The following PDE1A variants were observed in gnomAD, a reference collection of about 807,000 sequenced individuals.
PDE1A encodes the protein dual specificity calcium/calmodulin-dependent 3',5'-cyclic nucleotide phosphodiesterase 1A.
In PDE1A, 35 loss-of-function variants were observed where a neutral mutation model predicts 61.7. The observed-to-expected ratio is 0.57, with a 90% CI of 0.43 to 0.75. The LOEUF is 0.75. Among genes scored for constraint, PDE1A ranks in the 30% least tolerant of loss-of-function variants. The pLI is 0.00. For synonymous variants in PDE1A, 232 were observed against 213.2 expected, an observed-to-expected ratio of 1.09 and a Z score of -0.77; for missense variants, 597 against 630.6, an observed-to-expected ratio of 0.95 and a Z score of 0.57.
chr2:182,251,059 A>C (rs2125730940), intron 2 of PDE1A, among the ~76,000 whole-genome samples: 1 of 152,296 alleles, frequency 6.6e-6, no homozygotes, highest in South Asian at 2.1e-4. Flanking sequence ...TTGGCTTCCC[A>C]CCAGGAAATC....
intron 1 of PDE1A, among the ~76,000 whole-genome samples, chr2:182,386,422 A>G: frequency 7.0e-6 from 1 of 142,988 alleles, no homozygotes; most frequent in African/African-American, 2.7e-5. Flanking sequence ...CCGGCTGCCC[A>G]TCGTCTGAGA....
chr2:182,619,778 T>G, the PDE1A span, among the ~76,000 whole-genome samples: 17 of 152,244 alleles, frequency 1.1e-4, no homozygotes, highest in Admixed American at 1.1e-3. Flanking sequence ...GACCACAGAC[T>G]AGGTAATTTA....
intron 1 of PDE1A, among the ~76,000 whole-genome samples, chr2:182,269,282 A>G (rs959043230): frequency 2.0e-5 from 3 of 152,056 alleles, no homozygotes; most frequent in Non-Finnish European, 4.4e-5. Context: ...TGAGGTTGGG[A>G]GTTTGAGACC....
intron 7 of PDE1A, among the ~76,000 whole-genome samples, chr2:182,208,730 G>C (rs751745401): frequency 6.6e-6 from 1 of 152,176 alleles, no homozygotes; most frequent in African/African-American, 2.4e-5. Context: ...CCCTGAATAT[G>C]AGACATGGAG....
At chr2:182,612,966 T>C in the PDE1A span, among the ~76,000 whole-genome samples, 1 of 152,232 alleles carries the variant, frequency 6.6e-6, no homozygotes, top group African/African-American at 2.4e-5. Context: ...CTTTTGAATA[T>C]GAGTTCTTTT....
At chr2:182,170,025 T>C (rs993438539) in intron 13 of PDE1A, among the ~76,000 whole-genome samples, 5 of 151,990 alleles carry the variant, frequency 3.3e-5, no homozygotes, top group South Asian at 4.2e-4. Flanking sequence ...CCTTAAGTTA[T>C]GCTGCTGTCA....
chr2:182,425,485 T>C (rs1703559711), intron 1 of PDE1A, among the ~76,000 whole-genome samples: 1 of 152,330 alleles, frequency 6.6e-6, no homozygotes, highest in African/African-American at 2.4e-5. Context: ...TGAATTTAAA[T>C]ATAATTTATG....
chr2:182,237,155 G>A (rs10930995), intron 3 of PDE1A, among the ~76,000 whole-genome samples: 29,265 of 152,124 alleles, frequency 0.19, 2,988 homozygotes, highest in East Asian at 0.33. Context: ...ATTTGTGGAA[G>A]TTTCCATAAT....
At chr2:182,418,274 A>G (rs1020543028) in intron 1 of PDE1A, among the ~76,000 whole-genome samples, 2 of 152,224 alleles carry the variant, frequency 1.3e-5, no homozygotes, top group African/African-American at 4.8e-5. Flanking sequence ...GTAAAAATCA[A>G]TTATTGAAAA....
chr2:182,242,689 G>T (rs1302316905), intron 2 of PDE1A, among the ~76,000 whole-genome samples: 1 of 152,152 alleles, frequency 6.6e-6, no homozygotes, highest in Non-Finnish European at 1.5e-5. Flanking sequence ...TAAGAAAGAA[G>T]ATTAAGGTCC....
intron 13 of PDE1A, among the ~76,000 whole-genome samples, chr2:182,178,875 G>C (rs977525072): frequency 1.3e-5 from 2 of 152,050 alleles, no homozygotes; most frequent in African/African-American, 4.8e-5. Context: ...AGAGTCAGAA[G>C]GTGATACCAG....
At chr2:182,675,266 G>C in the PDE1A span, among the ~76,000 whole-genome samples, 1 of 152,202 alleles carries the variant, frequency 6.6e-6, no homozygotes, top group Admixed American at 6.5e-5. Flanking sequence ...CTCCATCCAT[G>C]TTCCTGCAAA....
At chr2:182,334,939 A>G (rs1365188271) in intron 1 of PDE1A, among the ~76,000 whole-genome samples, 1 of 152,218 alleles carries the variant, frequency 6.6e-6, no homozygotes, top group Non-Finnish European at 1.5e-5. Context: ...CTCAGGATAC[A>G]AAATCAATGT....
intron 1 of PDE1A, among the ~76,000 whole-genome samples, chr2:182,365,241 G>A (rs1043551979): frequency 1.3e-5 from 2 of 151,920 alleles, no homozygotes; most frequent in Non-Finnish European, 2.9e-5. Context: ...ATGATGCCTG[G>A]CAAATGTGCA....
At chr2:182,532,945 CAAAAAAA>C in the PDE1A span, among the ~76,000 whole-genome samples, 23 of 21,178 alleles carry the variant, frequency 1.1e-3, no homozygotes, top group South Asian at 3.8e-3. Context: ...GACTCCGTCT[CAAAAAAA>C]AAAAAAAAAA....
At chr2:182,431,918 G>A (rs1384718268), upstream of PDE1A, among the ~76,000 whole-genome samples, 1 of 151,978 alleles carries the variant, frequency 6.6e-6, no homozygotes, top group African/African-American at 2.4e-5. Flanking sequence ...TGCCAATTAT[G>A]TTCCCAATAC....
chr2:182,169,417 T>C (rs1691923199), intron 13 of PDE1A, among the ~76,000 whole-genome samples: 1 of 151,986 alleles, frequency 6.6e-6, no homozygotes, highest in East Asian at 1.9e-4. Context: ...AAGCTCTGAG[T>C]GATACAACTA....
chr2:182,241,959 C>A, intron 2 of PDE1A: 2 of 1,497,766 alleles, frequency 1.3e-6, no homozygotes, highest in Non-Finnish European at 1.8e-6. Context: ...CACTAAACTT[C>A]ATGGCTTGAA....
At chr2:182,379,500 G>C (rs1700605028) in intron 1 of PDE1A, among the ~76,000 whole-genome samples, 1 of 152,168 alleles carries the variant, frequency 6.6e-6, no homozygotes, top group African/African-American at 2.4e-5. Flanking sequence ...ACGTCTGATA[G>C]AAATAAGGGC....
Sources: gnomAD v4.1 joint callset for allele counts (sites outside exome capture counted in the v4.1 genomes callset) on GRCh38, gnomAD v4.1.1 for gene constraint, MANE v1.5 for transcripts, NCBI Gene and HGNC (gene_info 2026-07-23, HGNC 2026-07-21) for gene names.